The following SUGT1 variants were observed in gnomAD, a reference collection of about 807,000 sequenced individuals.
SUGT1 encodes the protein protein SGT1 homolog.
A neutral mutation model predicts 56.1 loss-of-function variants in SUGT1; 15 were observed. The ratio of observed to expected loss-of-function variants is 0.27; its 90% confidence interval spans 0.18 to 0.41. The LOEUF is 0.41. Ranked by LOEUF, SUGT1 falls within the 10% of genes least tolerant of loss-of-function variation. The pLI is 1.00. For synonymous variants in SUGT1, 123 were observed against 128.6 expected, an observed-to-expected ratio of 0.96 and a Z score of 0.30; for missense variants, 347 against 382.2, an observed-to-expected ratio of 0.91 and a Z score of 0.77.
At chr13:52,680,278 T>A (rs1963319834) in intron 12 of SUGT1, 123 bp downstream of exon 12, 1 of 823,916 alleles carries the variant, frequency 1.2e-6, no homozygotes, top group Non-Finnish European at 1.8e-6. Flanking sequence ...GAATAAGGTC[T>A]GTCTGAACGT....
chr13:52,657,246 T>C (rs1962210807), intron 2 of SUGT1, among the ~76,000 whole-genome samples: 1 of 152,198 alleles, frequency 6.6e-6, no homozygotes, highest in Admixed American at 6.5e-5. Flanking sequence ...CTCTTCAGAA[T>C]ATATGAGCTG....
At chr13:52,658,263 T>C (rs760675671) in intron 3 of SUGT1, 136 bp from the exon 4 acceptor site, 6 of 1,525,546 alleles carry the variant, frequency 3.9e-6, no homozygotes, top group Non-Finnish European at 5.3e-6. Flanking sequence ...CTATCTTGTA[T>C]TAGCTTTTCC....
intron 12 of SUGT1, among the ~76,000 whole-genome samples, chr13:52,681,143 A>G (rs1024972005): frequency 1.3e-5 from 2 of 151,808 alleles, no homozygotes; most frequent in South Asian, 2.1e-4. Context: ...CAGCCTCACT[A>G]TTGATTAAAA....
At chr13:52,663,951 T>TA (rs2138124595) in intron 7 of SUGT1, 84 bp from the exon 8 acceptor site, 1 of 1,255,012 alleles carries the variant, frequency 8.0e-7, no homozygotes, top group East Asian at 2.4e-5. Context: ...AAATTAATAA[T>TA]ACATGCATTT....
In SUGT1 at chr13:52,662,806, A is replaced by T. The variant is rs919310322; in HGVS notation, c.382+104A>T. The T allele has an allele frequency of 2.5e-6, 3 of 1,203,350 alleles. No individual in the cohort carries two copies. In the African/African-American group the frequency reaches 4.7e-5, roughly 19 times the overall value. 74.5% of individuals were successfully genotyped at this position (1,203,350 alleles called of 1,614,324 possible). A position where few individuals can be genotyped will look rare whatever the true frequency, so the allele number is the denominator to read the frequency against. ...GTTTTTATCTTTATAATTTCTTTTA[A>T]ATAGTATACGTTTCCTTAGATGTGG... On this transcript the variant is annotated intron_variant, in intron 6 of 12. Transcript: ENST00000310528.
intron 9 of SUGT1, 49 bp from the exon 10 acceptor site, chr13:52,666,763 C>G (rs1198318830): frequency 3.3e-6 from 4 of 1,225,632 alleles, no homozygotes; most frequent in Non-Finnish European, 4.8e-6. Flanking sequence ...GTTTTTTACC[C>G]TCCATTATAT....
At chr13:52,661,104 G>A (rs891725014) in intron 5 of SUGT1, among the ~76,000 whole-genome samples, 7 of 152,246 alleles carry the variant, frequency 4.6e-5, no homozygotes, top group African/African-American at 7.2e-5. Flanking sequence ...GAGCCACTGC[G>A]TCTGGCCCCT....
chr13:52,689,865 A>C lies in SUGT1; in HGVS notation c.*2030A>C, dbSNP rs1370236926. On this transcript the variant is annotated 3_prime_UTR_variant, in exon 13 of 13. Transcript: ENST00000310528. ...GCACCTGTAGTCCCAGCTACTTGGG[A>C]GGCTCAGGCAGGGAGAATTGCTTGA... is the stretch of plus-strand genomic sequence containing the variant. The C allele has an allele frequency of 6.6e-6, 1 of 152,008 alleles. No homozygotes were observed. Among genetic ancestry groups the C allele is most frequent in the Non-Finnish European group, 1.5e-5 (1 of 68,046 alleles). The allele number at this position is 152,008 out of a possible 1,614,324, so 9.4% of individuals were successfully genotyped here. A position where few individuals can be genotyped will look rare whatever the true frequency, so the allele number is the denominator to read the frequency against.
chr13:52,678,150 A>G (rs1341843643), intron 11 of SUGT1, among the ~76,000 whole-genome samples: 2 of 152,120 alleles, frequency 1.3e-5, no homozygotes, highest in Admixed American at 6.6e-5. Context: ...TTAAATCCAT[A>G]TTTCCCAGGC....
At chr13:52,653,402 C>G (rs1962009020) in intron 2 of SUGT1, among the ~76,000 whole-genome samples, 1 of 151,654 alleles carries the variant, frequency 6.6e-6, no homozygotes, top group Non-Finnish European at 1.5e-5. Context: ...TTTTTAATGA[C>G]ATTTATGATT....
At chr13:52,683,855 T>C (rs577691378) in intron 12 of SUGT1, among the ~76,000 whole-genome samples, 3 of 152,062 alleles carry the variant, frequency 2.0e-5, no homozygotes, top group Non-Finnish European at 4.4e-5. Flanking sequence ...AAGTTGTCAG[T>C]GTTTGTATAG....
intron 10 of SUGT1, among the ~76,000 whole-genome samples, chr13:52,674,053 C>CTTTTTTTTTTTT (rs765220996): frequency 9.3e-6 from 1 of 107,962 alleles, no homozygotes; most frequent in African/African-American, 3.7e-5. Context: ...AGATAGTATA[C>CTTTTTTTTTTTT]TTTTTTTTTT....
rs1314154552 is a variant in SUGT1, at chr13:52,696,833, G to A, written c.*8998G>A. The A allele has an allele frequency of 6.6e-6, 1 of 150,772 alleles. No individual in the cohort carries two copies. The highest frequency in any genetic ancestry group is 2.4e-5 in the African/African-American group (1 of 40,980). 9.3% of individuals were successfully genotyped at this position (150,772 alleles called of 1,614,324 possible). On this transcript the variant is annotated 3_prime_UTR_variant, in exon 13 of 13. Transcript: ENST00000310528. ...TTTTTAAGTAGGTTTTTAACCCACA[G>A]CCACGAGAGCTAATTTTAACTACAT...
At chr13:52,681,598 T>C (rs1014851777) in intron 12 of SUGT1, among the ~76,000 whole-genome samples, 2 of 152,044 alleles carry the variant, frequency 1.3e-5, no homozygotes, top group African/African-American at 2.4e-5. Context: ...GAACCTTTAA[T>C]CCCAGTGCTT....
chr13:52,687,799 C>G lies in SUGT1; in HGVS notation c.966C>G (p.Ile322Met), dbSNP rs1963653860. Residue 322 changes from isoleucine to methionine, a missense_variant, in exon 13 of 13, where the codon ATC becomes ATG. By Grantham distance (10) the Ile-to-Met change is conservative (BLOSUM62 1). Coordinates refer to ENST00000310528, the MANE Select transcript of SUGT1 (RefSeq NM_006704.5). ...WSDVGKRKVE[I>M]NPPDDMEWKK... ...ATGTAGGTAAAAGGAAAGTTGAAAT[C>G]AATCCTCCTGATGATATGGAATGGA... The G allele has an allele frequency of 6.2e-7, 1 of 1,602,390 alleles. No homozygotes were observed. The highest frequency in any genetic ancestry group is 2.3e-5 in the East Asian group (1 of 44,072).
chr13:52,685,138 A>G (rs2138176987), intron 12 of SUGT1, among the ~76,000 whole-genome samples: 2 of 151,004 alleles, frequency 1.3e-5, no homozygotes, highest in Middle Eastern at 6.8e-3. Flanking sequence ...GCGATCATGA[A>G]TCATTGCAGC....
intron 10 of SUGT1, among the ~76,000 whole-genome samples, chr13:52,667,808 A>T (rs1271315832): frequency 6.6e-6 from 1 of 152,120 alleles, no homozygotes; most frequent in Non-Finnish European, 1.5e-5. Flanking sequence ...CTGTGTATTT[A>T]GTCTAGGCAC....
chr13:52,659,954 G>A (rs769868158), intron 5 of SUGT1, among the ~76,000 whole-genome samples: 5 of 148,156 alleles, frequency 3.4e-5, no homozygotes, highest in East Asian at 2.0e-4. Flanking sequence ...TCAGCCCCCC[G>A]AGTAGCTGGG....
chr13:52,671,496 C>G (rs1375709229), intron 10 of SUGT1, among the ~76,000 whole-genome samples: 1 of 152,064 alleles, frequency 6.6e-6, no homozygotes, highest in Non-Finnish European at 1.5e-5. Context: ...TTATCACATT[C>G]CAGGCACTGT....
Sources: allele counts gnomAD v4.1 joint callset (sites outside exome capture counted in the v4.1 genomes callset), GRCh38; gene constraint gnomAD v4.1.1; transcripts MANE v1.5; gene names NCBI Gene and HGNC (gene_info 2026-07-23, HGNC 2026-07-21).